TMPRSS11A: variants seen among roughly 807,000 people sequenced by gnomAD.
TMPRSS11A encodes the protein transmembrane protease serine 11A.
TMPRSS11A carries 53 observed loss-of-function variants against 58.9 expected under a neutral mutation model. That is an observed-to-expected ratio of 0.90 (90% confidence interval 0.72 to 1.13). TMPRSS11A has a LOEUF of 1.13. TMPRSS11A is among the 50% of genes most tolerant of loss of function. TMPRSS11A has a pLI of 0.00. For missense variants in TMPRSS11A, 493 were observed against 499.3 expected (o/e 0.99, Z 0.12); for synonymous variants, 167 against 169.8 (o/e 0.98, Z 0.13).
At chr4:67,962,729 CTTA>C (rs1721468674) in intron 1 of TMPRSS11A, among the ~76,000 whole-genome samples, 1 of 152,174 alleles carries the variant, frequency 6.6e-6, no homozygotes, top group South Asian at 2.1e-4. Flanking sequence ...GCCAAGGAAT[CTTA>C]TTTTTTCATA....
rs1361584490 is a variant in TMPRSS11A, at chr4:67,960,689, T to C, written c.11+2694A>G. 2.6e-5 allele frequency among the ~76,000 whole-genome samples: 4 copies of C among 152,236 alleles called. No individual in the cohort carries two copies. The East Asian group carries it at 5.8e-4, about 22-fold the overall frequency. The stretch of plus-strand genomic sequence containing the variant: ...TATTTTTGTTTTAATTCTGAAGGTA[T>C]AATTTTAGAATATATTAGGAATTGC... On this transcript the variant is annotated intron_variant, in intron 1 of 9. Coordinates refer to ENST00000508048, the MANE Select transcript of TMPRSS11A (RefSeq NM_001114387.2).
intron 8 of TMPRSS11A, among the ~76,000 whole-genome samples, chr4:67,915,173 A>G (rs993538360): frequency 3.9e-5 from 6 of 151,994 alleles, no homozygotes; most frequent in Non-Finnish European, 8.8e-5. Flanking sequence ...TTTCACATAT[A>G]TAAGATATAT....
intron 1 of TMPRSS11A, 91 bp downstream of exon 1, chr4:67,963,292 A>AC (rs1721483942): frequency 8.4e-7 from 1 of 1,187,850 alleles, no homozygotes; most frequent in East Asian, 2.4e-5. Context: ...CACCAAAGAC[A>AC]CCTCACTAGC....
chr4:67,955,761 C>T (rs1721275196), intron 1 of TMPRSS11A, among the ~76,000 whole-genome samples: 1 of 152,124 alleles, frequency 6.6e-6, no homozygotes, highest in Non-Finnish European at 1.5e-5. Flanking sequence ...ATGAGTAAGA[C>T]ATGGTTTCTC....
chr4:67,925,856 G>A (rs922609205), intron 5 of TMPRSS11A, among the ~76,000 whole-genome samples: 6 of 152,156 alleles, frequency 3.9e-5, no homozygotes, highest in African/African-American at 1.4e-4. Context: ...TAAGTATAAT[G>A]GTCGTGAATA....
chr4:67,959,510 A>C (rs1375966910), intron 1 of TMPRSS11A, among the ~76,000 whole-genome samples: 1 of 152,236 alleles, frequency 6.6e-6, no homozygotes, highest in Non-Finnish European at 1.5e-5. Context: ...AACAAAAAAC[A>C]AATAACCCCA....
intron 9 of TMPRSS11A, 97 bp from the exon 10 acceptor site, chr4:67,911,600 C>T (rs539133310): frequency 1.6e-5 from 15 of 929,076 alleles, no homozygotes; most frequent in Non-Finnish European, 2.4e-5. Context: ...TGTTACTAGA[C>T]AGTACATGTA....
intron 1 of TMPRSS11A, among the ~76,000 whole-genome samples, chr4:67,955,948 C>A (rs1721279488): frequency 6.6e-6 from 1 of 152,188 alleles, no homozygotes; most frequent in Non-Finnish European, 1.5e-5. Flanking sequence ...AAGAGGTCTT[C>A]TATAGGCATC....
At chr4:67,927,721 A>T (rs1363740897) in intron 5 of TMPRSS11A, among the ~76,000 whole-genome samples, 2 of 152,228 alleles carry the variant, frequency 1.3e-5, no homozygotes, top group Non-Finnish European at 2.9e-5. Context: ...CATATCACTA[A>T]CAAACACTGT....
chr4:67,939,801 G>T (rs1720837654), intron 3 of TMPRSS11A, among the ~76,000 whole-genome samples: 1 of 152,092 alleles, frequency 6.6e-6, no homozygotes, highest in South Asian at 2.1e-4. Flanking sequence ...TGATTCTCCT[G>T]CCTCAGCCCT....
At chr4:67,914,799 T>C in intron 8 of TMPRSS11A, 69 bp from the exon 9 acceptor site, 1 of 1,291,962 alleles carries the variant, frequency 7.7e-7, no homozygotes. Context: ...GTGAGCAGAC[T>C]TTCCTAATAT....
At chr4:67,915,044 T>C (rs1271044913) in intron 8 of TMPRSS11A, among the ~76,000 whole-genome samples, 1 of 152,146 alleles carries the variant, frequency 6.6e-6, no homozygotes, top group Non-Finnish European at 1.5e-5. Context: ...AAGCTTTTAT[T>C]TGTGGGTTCC....
At position 67,946,553 on chromosome 4, in the gene TMPRSS11A, G is replaced by T; in HGVS notation, c.30C>A (p.Thr10=). 2 of 1,611,032 alleles carry T rather than the reference G, an allele frequency of 1.2e-6. No individual in the cohort carries two copies. The highest frequency in any genetic ancestry group is 1.7e-4 in the Middle Eastern group (1 of 6,056). Residue 10 remains threonine, a synonymous_variant, in exon 2 of 10, where the codon ACC becomes ACA. Coordinates refer to ENST00000508048, the MANE Select transcript of TMPRSS11A (RefSeq NM_001114387.2). The part of the protein sequence containing the change: MMYRTVGFG[T]RSRNLKPWMI... ...TCCATGGCTTCAGATTTCTGCTTCGGGTGCCAAATCCCACTGTCCTGAGAA... is the reference window on the plus strand; with the variant it reads ...TCCATGGCTTCAGATTTCTGCTTCGTGTGCCAAATCCCACTGTCCTGAGAA...
At chr4:67,946,737 A>AT (rs72599782) in intron 1 of TMPRSS11A, among the ~76,000 whole-genome samples, 166 bp from the exon 2 acceptor site, 7 of 151,318 alleles carry the variant, frequency 4.6e-5, no homozygotes, top group African/African-American at 1.2e-4. Flanking sequence ...AAAAAAAAAA[A>AT]ATCAGGATCT....
At chr4:67,957,805 C>T (rs1721323571) in intron 1 of TMPRSS11A, among the ~76,000 whole-genome samples, 1 of 152,134 alleles carries the variant, frequency 6.6e-6, no homozygotes, top group South Asian at 2.1e-4. Context: ...GCAGCTCCTC[C>T]CATCACAGGC....
chr4:67,913,339 G>A (rs1720040403), intron 9 of TMPRSS11A, among the ~76,000 whole-genome samples: 1 of 152,192 alleles, frequency 6.6e-6, no homozygotes, highest in Non-Finnish European at 1.5e-5. Context: ...TTGCACTTCT[G>A]TTGTATCAGA....
At chr4:67,945,053 A>ACT (rs1334910868) in intron 2 of TMPRSS11A, among the ~76,000 whole-genome samples, 1 of 152,208 alleles carries the variant, frequency 6.6e-6, no homozygotes, top group Non-Finnish European at 1.5e-5. Flanking sequence ...TGAAATGTGT[A>ACT]CCATCATACA....
At chr4:67,922,009 A>T (rs949611630) in intron 7 of TMPRSS11A, among the ~76,000 whole-genome samples, 2 of 152,244 alleles carry the variant, frequency 1.3e-5, no homozygotes. Context: ...AAGTCATTTA[A>T]TCATATATTT....
intron 3 of TMPRSS11A, among the ~76,000 whole-genome samples, chr4:67,937,048 A>G (rs1720770971): frequency 6.6e-6 from 1 of 152,194 alleles, no homozygotes; most frequent in Non-Finnish European, 1.5e-5. Flanking sequence ...GAGAGAGAGA[A>G]TCATTTTTCT....
Sources: allele counts gnomAD v4.1 joint callset (sites outside exome capture counted in the v4.1 genomes callset), GRCh38; gene constraint gnomAD v4.1.1; transcripts MANE v1.5; gene names NCBI Gene and HGNC (gene_info 2026-07-23, HGNC 2026-07-21).